PGPEP1: variants seen among roughly 807,000 people sequenced by gnomAD.
The protein encoded by PGPEP1 is pyroglutamyl-peptidase 1.
PGPEP1 carries 15 observed loss-of-function variants against 24.1 expected under a neutral mutation model. The ratio of observed to expected loss-of-function variants is 0.62; its 90% confidence interval spans 0.42 to 0.96. The LOEUF (loss-of-function observed/expected upper bound fraction) is 0.96, where lower values mean the gene tolerates loss of function less well. Among genes scored for constraint, PGPEP1 ranks in the 40% least tolerant of loss-of-function variants. The pLI is 0.00. For synonymous variants in PGPEP1, 122 were observed against 116.4 expected (o/e 1.05, Z -0.31); for missense variants, 242 against 273.4 (o/e 0.89, Z 0.81).
At chr19:18,349,227 G>C (rs573538001) in intron 2 of PGPEP1, among the ~76,000 whole-genome samples, 26 of 151,928 alleles carry the variant, frequency 1.7e-4, no homozygotes, top group Non-Finnish European at 3.1e-4. Context: ...TGTCATCCAG[G>C]CTGGAGGGCA....
rs1971650270 is a variant in PGPEP1 at position 18,369,619 on chromosome 19, T to A, written c.*6036T>A. 1 of 152,252 alleles carries A rather than the reference T, an allele frequency of 6.6e-6. No individual in the cohort carries two copies. The highest frequency in any genetic ancestry group is 2.4e-5 in the African/African-American group (1 of 41,472). The allele number at this position is 152,252 out of a possible 1,614,324, so 9.4% of individuals were successfully genotyped here. A position where few individuals can be genotyped will look rare whatever the true frequency, so the allele number is the denominator to read the frequency against. On this transcript the variant is annotated 3_prime_UTR_variant, in exon 5 of 5. Coordinates refer to ENST00000269919, the MANE Select transcript of PGPEP1 (RefSeq NM_017712.4). ...CTGAGCCTTTGGAAGCCGAGTTCAC[T>A]CTCTGCCTGCCCAGGGGAGCACCGG...
intron 2 of PGPEP1, among the ~76,000 whole-genome samples, chr19:18,352,266 C>CGAAAAAAAAAA (rs1971051968): frequency 2.3e-5 from 1 of 43,664 alleles, no homozygotes; most frequent in Non-Finnish European, 4.3e-5. Flanking sequence ...GACTCCGTCT[C>CGAAAAAAAAAA]AAAAAAAAAA....
Position 18,363,658 on chromosome 19 carries a change from C to A in PGPEP1, c.*75C>A. 9.1e-7 allele frequency: 1 copy of A among 1,094,498 alleles called. No homozygotes were observed. The highest frequency in any genetic ancestry group is 1.3e-6 in the Non-Finnish European group (1 of 757,730). The allele number at this position is 1,094,498 out of a possible 1,614,324, so 67.8% of individuals were successfully genotyped here. ...GGACATCCACCCTCTGGGGTGTGGC[C>A]AGGAAAAGACAAGCTCTTCAGCTTG... On this transcript the variant is annotated 3_prime_UTR_variant, in exon 5 of 5. Coordinates refer to ENST00000269919, the MANE Select transcript of PGPEP1 (RefSeq NM_017712.4).
At chr19:18,358,844 G>A (rs1176130742) in intron 4 of PGPEP1, among the ~76,000 whole-genome samples, 2 of 151,904 alleles carry the variant, frequency 1.3e-5, no homozygotes, top group Admixed American at 6.6e-5. Context: ...TCGAACTCCC[G>A]ATCTCAGGTG....
intron 4 of PGPEP1, chr19:18,358,106 G>A (rs1189363691): frequency 1.1e-5 from 2 of 188,928 alleles, no homozygotes; most frequent in Non-Finnish European, 2.2e-5. Context: ...TGCAGCTGGT[G>A]GCTGCTGGCC....
chr19:18,345,402 C>A (rs1280818863), intron 2 of PGPEP1, among the ~76,000 whole-genome samples: 1 of 151,508 alleles, frequency 6.6e-6, no homozygotes, highest in Non-Finnish European at 1.5e-5. Context: ...TTCACTTAAA[C>A]AAAACAAAAC....
chr19:18,364,608 T>G lies in PGPEP1; in HGVS notation c.*1025T>G, dbSNP rs1005330076. On this transcript the variant is annotated 3_prime_UTR_variant, in exon 5 of 5. Coordinates refer to ENST00000269919, the MANE Select transcript of PGPEP1 (RefSeq NM_017712.4). Reference sequence around the variant, plus strand: ...CAGCCTGGGTGACAGAGCGAGACTCTGTCTCAAAACAATTGGACTTAAGAT... The same window carrying G: ...CAGCCTGGGTGACAGAGCGAGACTCGGTCTCAAAACAATTGGACTTAAGAT... 5.3e-5 allele frequency: 8 copies of G among 152,200 alleles called. No individual in the cohort carries two copies. The highest frequency in any genetic ancestry group is 1.9e-4 in the African/African-American group (8 of 41,456). 9.4% of individuals were successfully genotyped at this position (152,200 alleles called of 1,614,324 possible).
intron 2 of PGPEP1, among the ~76,000 whole-genome samples, chr19:18,354,351 C>T (rs923516768): frequency 1.3e-5 from 2 of 151,376 alleles, no homozygotes; most frequent in African/African-American, 4.9e-5. Context: ...AAAAATTAGC[C>T]GGGTGTGGCG....
chr19:18,356,250 T>C (rs1971183270), intron 3 of PGPEP1, among the ~76,000 whole-genome samples: 1 of 150,808 alleles, frequency 6.6e-6, no homozygotes, highest in African/African-American at 2.4e-5. Context: ...CTGGGCAACA[T>C]GGCAAAACCC....
chr19:18,357,474 G>T lies in PGPEP1; in HGVS notation c.296G>T (p.Cys99Phe). The part of the protein sequence containing the change: ...HNKGYKGLDN[C>F]RFCPGSQCCV... The stretch of plus-strand genomic sequence containing the variant: ...AAGGGCTACAAGGGGCTGGACAACT[G>T]CCGCTTTTGCCCCGGCTCCCAGTGC... Residue 99 changes from cysteine (C) to phenylalanine (F), a missense_variant, in exon 4 of 5, where the codon TGC becomes TTC. Transcript: ENST00000269919. 2 of 1,613,890 alleles carry T rather than the reference G, an allele frequency of 1.2e-6. No individual in the cohort carries two copies. The highest frequency in any genetic ancestry group is 1.7e-6 in the Non-Finnish European group (2 of 1,179,928).
chr19:18,362,454 G>A (rs763861605), intron 4 of PGPEP1, among the ~76,000 whole-genome samples: 2 of 151,746 alleles, frequency 1.3e-5, no homozygotes, highest in African/African-American at 4.8e-5. Context: ...GGCCAGGCAC[G>A]GTGGCTCACA....
At chr19:18,342,603 C>T (rs1270613233) in intron 1 of PGPEP1, among the ~76,000 whole-genome samples, 1 of 152,168 alleles carries the variant, frequency 6.6e-6, no homozygotes, top group East Asian at 1.9e-4. Context: ...ACCTCTGGCC[C>T]CTGGCTGAGC....
chr19:18,347,927 C>T (rs571848455), intron 2 of PGPEP1, among the ~76,000 whole-genome samples: 1 of 152,298 alleles, frequency 6.6e-6, no homozygotes, highest in East Asian at 1.9e-4. Context: ...CCACCGCGCC[C>T]GGCCTGTCTC....
chr19:18,363,197 A>G (rs896575883), intron 4 of PGPEP1, among the ~76,000 whole-genome samples, 194 bp from the exon 5 acceptor site: 1 of 151,964 alleles, frequency 6.6e-6, no homozygotes. Context: ...CTGGGACTAC[A>G]GGCACGTGCC....
chr19:18,366,392 T>C lies in PGPEP1; in HGVS notation c.*2809T>C, dbSNP rs1391367280. ...TGTATTCTTGCAGTGGTTTCACATTTCCTTACCCAGTCAAGCCAGTATCCC... is the reference window on the plus strand; with the variant it reads ...TGTATTCTTGCAGTGGTTTCACATTCCCTTACCCAGTCAAGCCAGTATCCC... On this transcript the variant is annotated 3_prime_UTR_variant, in exon 5 of 5. Coordinates refer to ENST00000269919, the MANE Select transcript of PGPEP1 (RefSeq NM_017712.4). The C allele has an allele frequency of 6.6e-6, 1 of 152,200 alleles. No individual in the cohort carries two copies. The highest frequency in any genetic ancestry group is 1.5e-5 in the Non-Finnish European group (1 of 68,040). The allele number at this position is 152,200 out of a possible 1,614,324, so 9.4% of individuals were successfully genotyped here. A position where few individuals can be genotyped will look rare whatever the true frequency, so the allele number is the denominator to read the frequency against.
At position 18,355,925 on chromosome 19, in the gene PGPEP1, G is replaced by A. The variant is rs532174440; in HGVS notation, c.118G>A (p.Val40Met). Reference sequence around the variant, plus strand: ...AGAAAAGCTAGGCCTTGGCGACAGCGTGGACCTGCATGTGTACGAGATTCC... The same window carrying A: ...AGAAAAGCTAGGCCTTGGCGACAGCATGGACCTGCATGTGTACGAGATTCC... ...ELEKLGLGDSVDLHVYEIPVE... is the reference protein window; with the variant it reads ...ELEKLGLGDSMDLHVYEIPVE... The change falls in exon 3 of 5, where the codon GTG (valine) becomes ATG (methionine). Residue 40 changes from valine (V) to methionine (M), a missense_variant. Physicochemically the swap from Val to Met is conservative, Grantham distance 21. Transcript: ENST00000269919. The A allele has an allele frequency of 9.3e-6, 15 of 1,613,290 alleles. No homozygotes were observed. Among genetic ancestry groups the A allele is most frequent in the African/African-American group, 5.3e-5 (4 of 75,036 alleles).
chr19:18,355,762 C>T, intron 2 of PGPEP1, 133 bp from the exon 3 acceptor site: 1 of 628,876 alleles, frequency 1.6e-6, no homozygotes, highest in Non-Finnish European at 3.0e-6. Context: ...GGGCTTTGAA[C>T]TAAATCAACA....
intron 2 of PGPEP1, among the ~76,000 whole-genome samples, chr19:18,347,785 C>T (rs1436520224): frequency 6.6e-6 from 1 of 152,068 alleles, no homozygotes; most frequent in Non-Finnish European, 1.5e-5. Context: ...AGGTGCACGC[C>T]ACCACGCCCA....
In PGPEP1 at chr19:18,361,891, C is replaced by T. The variant is rs1045425575; in HGVS notation, c.438-1500C>T. 4 of 984,918 alleles carry T rather than the reference C, an allele frequency of 4.1e-6. No homozygotes were observed. The African/African-American group carries it at 7.0e-5, about 17-fold the overall frequency. 61.0% of individuals were successfully genotyped at this position (984,918 alleles called of 1,614,324 possible). On this transcript the variant is annotated intron_variant, in intron 4 of 4. Coordinates refer to ENST00000269919, the MANE Select transcript of PGPEP1 (RefSeq NM_017712.4). ...TTTTCATTTGTGAGCGTTCAACATG[C>T]ATCTGGCGAGTTCTCCATTTTTTTC...
Sources: allele counts gnomAD v4.1 joint callset (sites outside exome capture counted in the v4.1 genomes callset), GRCh38; gene constraint gnomAD v4.1.1; transcripts MANE v1.5; gene names NCBI Gene and HGNC (gene_info 2026-07-23, HGNC 2026-07-21).